Variants in ARHGAP28 observed in about 807,000 individuals in gnomAD.
The protein encoded by ARHGAP28 is Rho GTPase activating protein 28.
In ARHGAP28, 56 loss-of-function variants were observed where a neutral mutation model predicts 90.7. The ratio of observed to expected loss-of-function variants is 0.62; its 90% CI spans 0.50 to 0.77. ARHGAP28 has a LOEUF of 0.77. ARHGAP28 is among the 30% of genes least tolerant of loss of function. The pLI is 0.00. For missense variants in ARHGAP28, 869 were observed against 900.9 expected, an observed-to-expected ratio of 0.96 and a Z score of 0.45; for synonymous variants, 308 against 323.3, an observed-to-expected ratio of 0.95 and a Z score of 0.51.
chr18:6,730,926 TTTAA>T (rs1486302497), intron 1 of ARHGAP28, among the ~76,000 whole-genome samples: 2 of 152,236 alleles, frequency 1.3e-5, no homozygotes, highest in Non-Finnish European at 2.9e-5. Context: ...TGTTTCCTAA[TTTAA>T]TTGATTGTGA....
chr18:6,851,210 C>T, intron 4 of ARHGAP28, 84 bp downstream of exon 4: 1 of 1,231,276 alleles, frequency 8.1e-7, no homozygotes, highest in South Asian at 1.3e-5. Flanking sequence ...GAAAAAAGTG[C>T]AACATAATTA....
chr18:6,907,952 A>C lies in ARHGAP28; in HGVS notation c.2031-1008A>C, dbSNP rs137956882. Among the ~76,000 whole-genome samples, 413 of 152,318 alleles carry C rather than the reference A, an allele frequency of 2.7e-3. 2 individuals are homozygous for C. Among genetic ancestry groups the C allele is most frequent in the African/African-American group, 9.4e-3 (391 of 41,572 alleles). ...GCATCTTCCTCACAGTGGAGAGGCC[A>C]GGACAATCATTTGAAGTAACCAAGC... On this transcript the variant is annotated intron_variant, in intron 16 of 17. Transcript: ENST00000383472.
At chr18:6,858,107 T>A (rs1172867890) in intron 4 of ARHGAP28, among the ~76,000 whole-genome samples, 1 of 152,172 alleles carries the variant, frequency 6.6e-6, no homozygotes, top group Admixed American at 6.5e-5. Flanking sequence ...AAACTAGGAA[T>A]TCATTCATCC....
At chr18:6,793,196 C>A (rs772071047) in intron 1 of ARHGAP28, among the ~76,000 whole-genome samples, 25 of 152,272 alleles carry the variant, frequency 1.6e-4, no homozygotes, top group Non-Finnish European at 2.5e-4. Context: ...AAATATGGAA[C>A]CCTAAAATGC....
chr18:6,898,298 T>A (rs978286979), intron 16 of ARHGAP28: 4 of 483,718 alleles, frequency 8.3e-6, no homozygotes, highest in Non-Finnish European at 1.5e-5. Context: ...ACGTTTTTTT[T>A]CTCCTTTTGG....
chr18:6,810,465 T>A (rs981777911), intron 1 of ARHGAP28, among the ~76,000 whole-genome samples: 1 of 152,070 alleles, frequency 6.6e-6, no homozygotes, highest in Non-Finnish European at 1.5e-5. Context: ...TGGGCTTTTT[T>A]TTTTCCTTTT....
chr18:6,831,747 G>A (rs1600225338), intron 2 of ARHGAP28, among the ~76,000 whole-genome samples: 1 of 151,870 alleles, frequency 6.6e-6, no homozygotes, highest in Admixed American at 6.6e-5. Context: ...GTACTGGCTA[G>A]GGCCTCTAGT....
At chr18:6,884,068 T>C (rs1039728300) in intron 11 of ARHGAP28, among the ~76,000 whole-genome samples, 5 of 152,112 alleles carry the variant, frequency 3.3e-5, no homozygotes, top group Admixed American at 2.0e-4. Flanking sequence ...ACAGGTACAA[T>C]AGCTGCTTCA....
rs576227604 is a variant in ARHGAP28 at position 6,831,522 on chromosome 18, G to A, written c.326-5675G>A. Among the ~76,000 whole-genome samples the A allele has an allele frequency of 1.0e-3, 138 of 135,526 alleles. 1 individual carries two copies. Among genetic ancestry groups the A allele is most frequent in the African/African-American group, 3.7e-3 (133 of 35,714 alleles). 88.9% of individuals were successfully genotyped at this position (135,526 alleles called of 152,430 possible). On this transcript the variant is annotated intron_variant, in intron 2 of 17. Coordinates refer to ENST00000383472, the MANE Select transcript of ARHGAP28 (RefSeq NM_001366230.1). The stretch of plus-strand genomic sequence containing the variant: ...TTTTTATTATACTCTAAGTTTTAGG[G>A]TACATGTGCACATTGTGCAGGTTAG...
chr18:6,789,367 T>C (rs1341733852), intron 1 of ARHGAP28: 1 of 151,880 alleles, frequency 6.6e-6, no homozygotes, highest in African/African-American at 2.4e-5. Flanking sequence ...AAGTCAGGAG[T>C]TAGAGATCAG....
intron 3 of ARHGAP28, among the ~76,000 whole-genome samples, chr18:6,841,188 T>TCTCTCTCTCTCTCTCCTCTC (rs1358853707): frequency 1.8e-4 from 11 of 60,510 alleles, no homozygotes; most frequent in Non-Finnish European, 2.5e-4. Context: ...CTCCTCTCTC[T>TCTCTCTCTCTCTCTCCTCTC]CTCTCTCTCT....
intron 1 of ARHGAP28, among the ~76,000 whole-genome samples, chr18:6,798,356 G>A (rs1174055442): frequency 1.3e-5 from 2 of 152,026 alleles, no homozygotes; most frequent in African/African-American, 4.8e-5. Flanking sequence ...ACCATGCCCG[G>A]CTAATTTTTG....
At chr18:6,743,760 CAAG>C (rs36114776) in intron 1 of ARHGAP28, among the ~76,000 whole-genome samples, 6,158 of 152,176 alleles carry the variant, frequency 0.04, 415 homozygotes, top group African/African-American at 0.14. Flanking sequence ...CTCATTAAAA[CAAG>C]AAGAATTTAA....
At chr18:6,858,715 G>A (rs2056973676) in intron 4 of ARHGAP28, among the ~76,000 whole-genome samples, 1 of 152,020 alleles carries the variant, frequency 6.6e-6, no homozygotes, top group Non-Finnish European at 1.5e-5. Context: ...ATTTTCAGTA[G>A]AGATGGGGTT....
intron 11 of ARHGAP28, 51 bp downstream of exon 11, chr18:6,882,350 G>C (rs750507242): frequency 1.9e-6 from 3 of 1,540,388 alleles, no homozygotes; most frequent in East Asian, 4.5e-5. Context: ...GGTCAATAAA[G>C]TGAGAGCAGA....
chr18:6,729,995 G>GT (rs1262045348), intron 1 of ARHGAP28, 52 bp downstream of exon 1: 1 of 1,297,286 alleles, frequency 7.7e-7, no homozygotes, highest in African/African-American at 1.6e-5. Context: ...GGCTTGGGGG[G>GT]TTCGCCGTGC....
chr18:6,818,213 A>T (rs532719765), intron 1 of ARHGAP28, among the ~76,000 whole-genome samples: 1 of 152,216 alleles, frequency 6.6e-6, no homozygotes, highest in Non-Finnish European at 1.5e-5. Context: ...TGTAGCCCGC[A>T]TTCAAACCTG....
rs545503986 is a variant in ARHGAP28, at chr18:6,871,065, G to A, written c.954+333G>A. ...TCTGCCTGCCTCGGCCTCTCAAAGT[G>A]CTGGGATTACAGGTGTGAGCCGCCG... On this transcript the variant is annotated intron_variant, in intron 7 of 17. Transcript: ENST00000383472. Among the ~76,000 whole-genome samples the A allele has an allele frequency of 5.3e-5, 8 of 152,340 alleles. No homozygotes were observed. The East Asian group carries it at 1.5e-3, about 29-fold the overall frequency.
intron 3 of ARHGAP28, among the ~76,000 whole-genome samples, chr18:6,839,451 G>C (rs779453037): frequency 2.6e-5 from 4 of 152,010 alleles, no homozygotes; most frequent in African/African-American, 2.4e-5. Context: ...CAGCCACCAC[G>C]CCTGGCTAAT....
Sources: allele counts gnomAD v4.1 joint callset (sites outside exome capture counted in the v4.1 genomes callset), GRCh38; gene constraint gnomAD v4.1.1; transcripts MANE v1.5; gene names NCBI Gene and HGNC (gene_info 2026-07-23, HGNC 2026-07-21).